The following PRSS56 variants were observed in gnomAD, a reference collection of about 807,000 sequenced individuals.
PRSS56 encodes protease, serine 56.
In PRSS56, 55 loss-of-function variants were observed where a neutral mutation model predicts 66.8. The ratio of observed to expected loss-of-function variants is 0.82; its 90% CI spans 0.66 to 1.03. The LOEUF is 1.03. Among genes scored for constraint, PRSS56 ranks in the 50% least tolerant of loss-of-function variants. The pLI, the probability that PRSS56 is intolerant of heterozygous loss-of-function variation, is 0.00. For missense variants in PRSS56, 869 were observed against 837.2 expected (o/e 1.04, Z -0.47); for synonymous variants, 409 against 387.9 (o/e 1.05, Z -0.64).
chr2:232,523,913 A>T lies in PRSS56; in HGVS notation c.1154A>T (p.His385Leu). 1 of 1,515,454 alleles carries T rather than the reference A, an allele frequency of 6.6e-7. No homozygotes were observed. Among genetic ancestry groups the T allele is most frequent in the East Asian group, 2.5e-5 (1 of 40,174 alleles). The allele number at this position is 1,515,454 out of a possible 1,614,324, so 93.9% of individuals were successfully genotyped here. ...CAGGGCGCCTGTGCGCGCCTGGCGC[A>T]CCAGCAGTGCCTGCAGCGCCGGCGG... ...GSQGACARLAHQQCLQRRRRC... is the reference protein window; with the variant it reads ...GSQGACARLALQQCLQRRRRC... Residue 385 changes from histidine to leucine, a missense_variant, in exon 9 of 13, where the codon CAC becomes CTC. His to Leu is a moderately conservative substitution (Grantham distance 99). Transcript: ENST00000617714.
chr2:232,522,901 T>C (rs1209089955), intron 6 of PRSS56, 40 bp downstream of exon 6: 6 of 1,432,696 alleles, frequency 4.2e-6, no homozygotes, highest in Non-Finnish European at 4.6e-6. Context: ...TGGGAAGAAC[T>C]GGGGGTCCGA....
Position 232,522,787 on chromosome 2 carries a change from G to C in PRSS56, c.632G>C (p.Cys211Ser), listed in dbSNP as rs1361878483. 2 of 1,516,576 alleles carry C rather than the reference G, an allele frequency of 1.3e-6. No individual in the cohort carries two copies. The highest frequency in any genetic ancestry group is 2.8e-5 in the African/African-American group (2 of 72,548). The allele number at this position is 1,516,576 out of a possible 1,614,324, so 93.9% of individuals were successfully genotyped here. A position where few individuals can be genotyped will look rare whatever the true frequency, so the allele number is the denominator to read the frequency against. ...VSPGGSARPV[C>S]LPQEPQEPPA... ...CCGGGGGGATCGGCGCGCCCCGTGT[G>C]CCTGCCCCAGGAGCCCCAGGAGCCC... Residue 211 changes from cysteine to serine, a missense_variant, in exon 6 of 13, where the codon TGC becomes TCC. Physicochemically the swap from Cys to Ser is moderately radical, Grantham distance 112. Around this residue, in one of 3 missense-constraint regions of PRSS56, gnomAD observed 315 missense variants for 313.7 expected, o/e 1.00. Transcript: ENST00000617714.
At position 232,522,269 on chromosome 2, in the gene PRSS56, C is replaced by T. The variant is rs998648301; in HGVS notation, c.446+109C>T. 22 of 1,098,798 alleles carry T rather than the reference C, an allele frequency of 2.0e-5. No homozygotes were observed. The East Asian group carries it at 6.8e-4, about 34-fold the overall frequency. The allele number at this position is 1,098,798 out of a possible 1,614,324, so 68.1% of individuals were successfully genotyped here. ...CGGGAAAGGTGGTCTCTGCTGCCCC[C>T]TGGCGGCGGCCGGCCCCGGGCTTCC... On this transcript the variant is annotated intron_variant, in intron 4 of 12. Coordinates refer to ENST00000617714, the MANE Select transcript of PRSS56 (RefSeq NM_001195129.2).
chr2:232,524,492 TC>T, intron 11 of PRSS56, 123 bp downstream of exon 11: 1 of 932,820 alleles, frequency 1.1e-6, no homozygotes, highest in Non-Finnish European at 1.6e-6. Flanking sequence ...GGACTCGTTC[TC>T]CCCTCCCCGC....
At chr2:232,522,222 G>T in intron 4 of PRSS56, 62 bp downstream of exon 4, 1 of 1,342,412 alleles carries the variant, frequency 7.4e-7, no homozygotes, top group Non-Finnish European at 9.7e-7. Context: ...CGCACCTGCC[G>T]GGTTGTCCGG....
chr2:232,523,710 A>T, intron 8 of PRSS56, 62 bp from the exon 9 acceptor site: 4 of 1,528,400 alleles, frequency 2.6e-6, no homozygotes, highest in Non-Finnish European at 3.5e-6. Context: ...CTTCCGGGGA[A>T]GGAGTGAGGG....
At chr2:232,520,844 A>G (rs896577219) in intron 1 of PRSS56, 149 bp downstream of exon 1, 2 of 593,206 alleles carry the variant, frequency 3.4e-6, no homozygotes, top group Non-Finnish European at 6.0e-6. Context: ...AGGGGCCAAG[A>G]ACTGAGATAT....
intron 4 of PRSS56, 77 bp from the exon 5 acceptor site, chr2:232,522,438 G>T: frequency 2.4e-6 from 3 of 1,261,358 alleles, no homozygotes; most frequent in African/African-American, 1.6e-5. Context: ...GCATGCGGGC[G>T]GAGGGGCAGG....
Position 232,525,236 on chromosome 2 carries a change from C to G in PRSS56, c.1542C>G (p.Ser514=). Residue 514 remains serine, a synonymous_variant, in exon 13 of 13, where the codon TCC becomes TCG. Transcript: ENST00000617714. ...TGTAGGTCCTGGCAGATCTGGGCTCCAAGACACTGACCGGGCTTTTCAGAG... is the reference window on the plus strand; with the variant it reads ...TGTAGGTCCTGGCAGATCTGGGCTCGAAGACACTGACCGGGCTTTTCAGAG... The part of the protein sequence containing the change: ...NFHEVLADLG[S]KTLTGLFRAW... 1 of 1,507,282 alleles carries G rather than the reference C, an allele frequency of 6.6e-7. No homozygotes were observed. Among genetic ancestry groups the G allele is most frequent in the Non-Finnish European group, 8.8e-7 (1 of 1,131,806 alleles). 93.4% of individuals were successfully genotyped at this position (1,507,282 alleles called of 1,614,324 possible). A position where few individuals can be genotyped will look rare whatever the true frequency, so the allele number is the denominator to read the frequency against.
intron 11 of PRSS56, 100 bp from the exon 12 acceptor site, chr2:232,524,626 AAGAGGATAAGTG>A: frequency 1.3e-6 from 1 of 770,598 alleles, no homozygotes; most frequent in Admixed American, 2.8e-5. Context: ...CCTATAGCAT[AAGAGGATAAGTG>A]TGTCCCCTGG....
Position 232,520,497 on chromosome 2 carries a change from G to A in PRSS56, c.-102G>A. The A allele has an allele frequency of 1.1e-6, 1 of 900,182 alleles. No individual in the cohort carries two copies. The highest frequency in any genetic ancestry group is 1.4e-5 in the South Asian group (1 of 71,222). The allele number at this position is 900,182 out of a possible 1,614,324, so 55.8% of individuals were successfully genotyped here. On this transcript the variant is annotated 5_prime_UTR_variant, in exon 1 of 13. Transcript: ENST00000617714. ...AGGGACAAGAATTCAGTGCCCGGGG[G>A]CCGAAAGGCAGCAGAAGGCGGGCAC... is the stretch of plus-strand genomic sequence containing the variant.
At chr2:232,522,478 T>C in intron 4 of PRSS56, 37 bp from the exon 5 acceptor site, 1 of 1,500,622 alleles carries the variant, frequency 6.7e-7, no homozygotes, top group Non-Finnish European at 8.9e-7. Context: ...GGTGTGCCCC[T>C]GTCCTTCCTG....
chr2:232,524,123 T>C lies in PRSS56; in HGVS notation c.1271T>C (p.Leu424Pro), dbSNP rs1301507693. Residue 424 changes from leucine to proline, a missense_variant, in exon 10 of 13, where the codon CTG becomes CCG. By Grantham distance (98) the Leu-to-Pro change is moderately conservative (BLOSUM62 -3). Coordinates refer to ENST00000617714, the MANE Select transcript of PRSS56 (RefSeq NM_001195129.2). ...LLGPRPGLRR[L>P]APALALPAPA... Reference sequence around the variant, plus strand: ...GGGCCTCGTCCGGGACTGCGGCGCCTGGCCCCCGCCCTGGCTCTCCCCGCT... The same window carrying C: ...GGGCCTCGTCCGGGACTGCGGCGCCCGGCCCCCGCCCTGGCTCTCCCCGCT... 6.6e-7 allele frequency: 1 copy of C among 1,512,840 alleles called. No homozygotes were observed. The highest frequency in any genetic ancestry group is 2.6e-5 in the East Asian group (1 of 39,004). The allele number at this position is 1,512,840 out of a possible 1,614,324, so 93.7% of individuals were successfully genotyped here. A position where few individuals can be genotyped will look rare whatever the true frequency, so the allele number is the denominator to read the frequency against.
chr2:232,523,457 C>T lies in PRSS56; in HGVS notation c.891C>T (p.Pro297=). 6.6e-7 allele frequency: 1 copy of T among 1,506,420 alleles called. No homozygotes were observed. Among genetic ancestry groups the T allele is most frequent in the Non-Finnish European group, 8.8e-7 (1 of 1,132,542 alleles). The allele number at this position is 1,506,420 out of a possible 1,614,324, so 93.3% of individuals were successfully genotyped here. A position where few individuals can be genotyped will look rare whatever the true frequency, so the allele number is the denominator to read the frequency against. The part of the protein sequence containing the change: ...GGPLTCSEPG[P]RPREVLFGVT... ...CCCTGACCTGTTCTGAGCCTGGCCC[C>T]CGCCCTAGAGAGGTCCTGTTCGGAG... Residue 297 remains proline, a synonymous_variant, in exon 8 of 13, where the codon CCC becomes CCT. Transcript: ENST00000617714.
chr2:232,522,302 A>G, intron 4 of PRSS56, 142 bp downstream of exon 4: 4 of 891,874 alleles, frequency 4.5e-6, no homozygotes, highest in Non-Finnish European at 6.1e-6. Context: ...TCCCCATCTC[A>G]AGGCGCCGCG....
rs1370323285 is a variant in PRSS56 at position 232,522,769 on chromosome 2, G to C, written c.614G>C (p.Gly205Ala). 3.3e-6 allele frequency: 5 copies of C among 1,525,740 alleles called. No individual in the cohort carries two copies. In the African/African-American group the frequency reaches 6.9e-5, roughly 21 times the overall value. The allele number at this position is 1,525,740 out of a possible 1,614,324, so 94.5% of individuals were successfully genotyped here. ...VQLWTPVSPG[G>A]SARPVCLPQE... is the part of the protein sequence containing the mutation. ...CTGTGGACGCCGGTGAGCCCGGGGG[G>C]ATCGGCGCGCCCCGTGTGCCTGCCC... The change falls in exon 6 of 13, where the codon GGA becomes GCA. Residue 205 changes from glycine to alanine, a missense_variant. Physicochemically the swap from Gly to Ala is moderately conservative, Grantham distance 60. This residue lies in a region of PRSS56 where 315 missense variants were observed against 313.7 expected (regional missense o/e 1.00). Coordinates refer to ENST00000617714, the MANE Select transcript of PRSS56 (RefSeq NM_001195129.2).
In PRSS56 at chr2:232,525,283, G is replaced by A; in HGVS notation, c.1589G>A (p.Gly530Glu). 2 of 1,522,332 alleles carry A rather than the reference G, an allele frequency of 1.3e-6. No individual in the cohort carries two copies. The highest frequency in any genetic ancestry group is 1.8e-6 in the Non-Finnish European group (2 of 1,138,490). The allele number at this position is 1,522,332 out of a possible 1,614,324, so 94.3% of individuals were successfully genotyped here. The change falls in exon 13 of 13, where the codon GGG becomes GAG. Residue 530 changes from glycine to glutamate, a missense_variant. Around this residue, in one of 3 missense-constraint regions of PRSS56, gnomAD observed 551 missense variants for 506.9 expected, o/e 1.09. Coordinates refer to ENST00000617714, the MANE Select transcript of PRSS56 (RefSeq NM_001195129.2). ...LFRAWVRAGL[G>E]GRHVAFSGLV... ...AGAGCCTGGGTGCGGGCAGGCTTGG[G>A]GGGCCGGCATGTGGCCTTCAGCGGC... is the stretch of plus-strand genomic sequence containing the variant.
Position 232,523,062 on chromosome 2 carries a change from G to A in PRSS56, c.709G>A (p.Gly237Arg), listed in dbSNP as rs730882160. 4 of 1,534,618 alleles carry A rather than the reference G, an allele frequency of 2.6e-6. No individual in the cohort carries two copies. The highest frequency in any genetic ancestry group is 2.6e-6 in the Non-Finnish European group (3 of 1,146,110). ...IAGWGALFED[G>R]PEAEAVREAR... ...AGCCTTCCACCCCTTCCCTGCAGAC[G>A]GGCCTGAGGCTGAAGCAGTGAGAGA... The change falls in exon 7 of 13, where the codon GGG (glycine) becomes AGG (arginine). Residue 237 changes from glycine to arginine, a missense_variant and splice_region_variant. Physicochemically the swap from Gly to Arg is moderately radical, Grantham distance 125 (BLOSUM62 -2). Transcript: ENST00000617714.
At chr2:232,524,536 G>C (rs1272638166) in intron 11 of PRSS56, among the ~76,000 whole-genome samples, 167 bp downstream of exon 11, 1 of 152,222 alleles carries the variant, frequency 6.6e-6, no homozygotes, top group Non-Finnish European at 1.5e-5. Context: ...GAGTACTTGT[G>C]GTTTTAGCTC....
Sources: gnomAD v4.1 joint callset for allele counts (sites outside exome capture counted in the v4.1 genomes callset) on GRCh38, gnomAD v4.1.1 for gene constraint, gnomAD v4.1.1 regional missense constraint, MANE v1.5 for transcripts, NCBI Gene and HGNC (gene_info 2026-07-23, HGNC 2026-07-21) for gene names.